Variants in SLIT3 observed in about 807,000 individuals in gnomAD.
The protein encoded by SLIT3 is slit homolog 3 protein.
SLIT3 carries 68 observed loss-of-function variants against 184.0 expected under a neutral mutation model. That is an observed-to-expected ratio of 0.37 (90% CI 0.30 to 0.45). SLIT3 has a LOEUF of 0.45. Among genes scored for constraint, SLIT3 ranks in the 20% least tolerant of loss-of-function variants. The pLI, the probability that SLIT3 is intolerant of heterozygous loss-of-function variation, is 1.00. For missense variants in SLIT3, 1,707 were observed against 2,026.0 expected (o/e 0.84, Z 3.02); for synonymous variants, 831 against 828.6 (o/e 1.00, Z -0.05).
intron 4 of SLIT3, among the ~76,000 whole-genome samples, chr5:168,950,069 A>G (rs2113236460): frequency 6.6e-6 from 1 of 150,810 alleles, no homozygotes; most frequent in South Asian, 2.1e-4. Context: ...ACCCCGCCCA[A>G]ATTCATCTGT....
intron 32 of SLIT3, among the ~76,000 whole-genome samples, chr5:168,673,548 G>C (rs1364933957): frequency 6.6e-6 from 1 of 152,174 alleles, no homozygotes; most frequent in Non-Finnish European, 1.5e-5. Flanking sequence ...GGTTTTCTCT[G>C]TGCATTTTAT....
intron 20 of SLIT3, among the ~76,000 whole-genome samples, chr5:168,744,731 A>G (rs190295814): frequency 6.6e-6 from 1 of 152,362 alleles, no homozygotes; most frequent in East Asian, 1.9e-4. Flanking sequence ...TTTTAAGCCC[A>G]TCGTTGAGAC....
intron 1 of SLIT3, among the ~76,000 whole-genome samples, chr5:169,262,385 G>C (rs112254268): frequency 3.3e-5 from 5 of 152,246 alleles, no homozygotes; most frequent in African/African-American, 1.2e-4. Context: ...GTGAGATTTG[G>C]TCTGAGACTA....
intron 4 of SLIT3, among the ~76,000 whole-genome samples, chr5:169,009,304 G>A (rs1756051951): frequency 3.9e-5 from 6 of 152,158 alleles, no homozygotes; most frequent in Admixed American, 3.9e-4. Flanking sequence ...TGTGTCTCTG[G>A]GTGACCGTAA....
intron 5 of SLIT3, among the ~76,000 whole-genome samples, chr5:168,858,587 C>T (rs980169883): frequency 4.6e-5 from 7 of 152,226 alleles, no homozygotes; most frequent in African/African-American, 1.2e-4. Context: ...CCTGCAGCAG[C>T]GTTGGGCTTA....
chr5:169,208,414 T>C (rs979145000), intron 3 of SLIT3, among the ~76,000 whole-genome samples: 2 of 152,182 alleles, frequency 1.3e-5, no homozygotes, highest in African/African-American at 4.8e-5. Context: ...TGGTTGCAAT[T>C]GTGAATGGGA....
chr5:168,739,569 C>G lies in SLIT3; in HGVS notation c.2270+8733G>C, dbSNP rs578036838. ...TCCCAGCTTCAAGTGATTCTCCTGC[C>G]TCACCCTCCCAAGTAGCTGGGATTA... On this transcript the variant is annotated intron_variant, in intron 20 of 35. Coordinates refer to ENST00000519560, the MANE Select transcript of SLIT3 (RefSeq NM_003062.4). 2.6e-5 allele frequency among the ~76,000 whole-genome samples: 4 copies of G among 152,166 alleles called. No individual in the cohort carries two copies. The East Asian group carries it at 7.7e-4, about 29-fold the overall frequency.
chr5:168,953,242 T>C (rs1413299165), intron 4 of SLIT3, among the ~76,000 whole-genome samples: 1 of 152,216 alleles, frequency 6.6e-6, no homozygotes. Flanking sequence ...TCCACGCCCA[T>C]GGCTGCAAGC....
intron 20 of SLIT3, among the ~76,000 whole-genome samples, chr5:168,746,434 G>GGTGGTGTGGGTGTGGCAGTGT (rs1554137597): frequency 3.9e-4 from 25 of 63,472 alleles, no homozygotes; most frequent in African/African-American, 1.3e-3. Flanking sequence ...GGTGGTGTGT[G>GGTGGTGTGGGTGTGGCAGTGT]GTGGTGTGGG....
chr5:168,770,172 C>A (rs1184476155), intron 14 of SLIT3, among the ~76,000 whole-genome samples: 1 of 152,168 alleles, frequency 6.6e-6, no homozygotes, highest in Non-Finnish European at 1.5e-5. Context: ...GGTCAGATTA[C>A]CCCAGCCGGC....
intron 4 of SLIT3, among the ~76,000 whole-genome samples, chr5:168,962,991 G>C (rs1396776389): frequency 2.0e-5 from 3 of 152,050 alleles, no homozygotes; most frequent in Admixed American, 2.0e-4. Flanking sequence ...CACCCCATTT[G>C]TTTCTTTTAT....
chr5:168,834,763 A>G (rs1757991910), intron 6 of SLIT3, among the ~76,000 whole-genome samples: 1 of 150,144 alleles, frequency 6.7e-6, no homozygotes, highest in Non-Finnish European at 1.5e-5. Flanking sequence ...CAGATATTTC[A>G]AAGATTTACT....
Position 168,799,736 on chromosome 5 carries a change from G to A in SLIT3, c.936-4158C>T, listed in dbSNP as rs568659154. On this transcript the variant is annotated intron_variant, in intron 9 of 35. Coordinates refer to ENST00000519560, the MANE Select transcript of SLIT3 (RefSeq NM_003062.4). ...ATATGAACATTTACCATTTATTGAG[G>A]GCTTTTGATATGTCAGACACTGTCT... Among the ~76,000 whole-genome samples, 3 of 152,186 alleles carry A rather than the reference G, an allele frequency of 2.0e-5. No homozygotes were observed. In the South Asian group the frequency reaches 6.2e-4, roughly 32 times the overall value.
At position 168,944,683 on chromosome 5, in the gene SLIT3, C is replaced by A. The variant is rs529152026; in HGVS notation, c.414-61347G>T. Among the ~76,000 whole-genome samples the A allele has an allele frequency of 5.4e-4, 82 of 152,134 alleles. No individual in the cohort carries two copies. In the South Asian group the frequency reaches 5.4e-3, roughly 10 times the overall value. On this transcript the variant is annotated intron_variant, in intron 4 of 35. Transcript: ENST00000519560. ...ATGGAGTTAAGATGCCAAAACTGTC[C>A]CCTAAAAACAGAAAATTCAACTGTA...
chr5:168,795,952 T>C (rs1243038403), intron 9 of SLIT3, among the ~76,000 whole-genome samples: 1 of 152,182 alleles, frequency 6.6e-6, no homozygotes, highest in Non-Finnish European at 1.5e-5. Flanking sequence ...TAAAAAGAGA[T>C]GGACCATGGG....
intron 4 of SLIT3, among the ~76,000 whole-genome samples, chr5:169,121,359 G>T (rs898266834): frequency 2.6e-5 from 4 of 152,136 alleles, no homozygotes; most frequent in African/African-American, 4.8e-5. Flanking sequence ...AGTTTGTGTG[G>T]CTTTAGACCC....
At chr5:168,825,525 A>C (rs1757671154) in intron 6 of SLIT3, among the ~76,000 whole-genome samples, 1 of 152,150 alleles carries the variant, frequency 6.6e-6, no homozygotes, top group Non-Finnish European at 1.5e-5. Flanking sequence ...GATGGTAAAG[A>C]AGAACGAACA....
At chr5:169,099,095 T>C (rs900227034) in intron 4 of SLIT3, among the ~76,000 whole-genome samples, 7 of 152,028 alleles carry the variant, frequency 4.6e-5, no homozygotes, top group African/African-American at 1.7e-4. Context: ...GCATCTTCCC[T>C]ACCCCAGCCC....
intron 4 of SLIT3, among the ~76,000 whole-genome samples, chr5:169,125,196 C>T (rs1207272585): frequency 2.6e-5 from 4 of 152,038 alleles, no homozygotes; most frequent in Non-Finnish European, 4.4e-5. Flanking sequence ...TACTGGCACA[C>T]GCCACCATGC....
Sources: allele counts gnomAD v4.1 joint callset (sites outside exome capture counted in the v4.1 genomes callset), GRCh38; gene constraint gnomAD v4.1.1; transcripts MANE v1.5; gene names NCBI Gene and HGNC (gene_info 2026-07-23, HGNC 2026-07-21).